The following GEMIN5 variants were observed in gnomAD, a reference collection of about 807,000 sequenced individuals.
GEMIN5 encodes gem-associated protein 5.
In GEMIN5, 124 loss-of-function variants were observed where a neutral mutation model predicts 176.9. The ratio of observed to expected loss-of-function variants is 0.70; its 90% CI spans 0.61 to 0.81. The LOEUF is 0.81. Among genes scored for constraint, GEMIN5 ranks in the 40% least tolerant of loss-of-function variants. The pLI, the probability that GEMIN5 is intolerant of heterozygous loss-of-function variation, is 0.00. For missense variants in GEMIN5, 1,843 were observed against 1,814.6 expected, an observed-to-expected ratio of 1.02 and a Z score of -0.28; for synonymous variants, 673 against 665.2, an observed-to-expected ratio of 1.01 and a Z score of -0.18.
rs558648459 is a variant in GEMIN5 at position 154,931,560 on chromosome 5, T to C, written c.679A>G (p.Asn227Asp). 6.2e-7 allele frequency: 1 copy of C among 1,604,170 alleles called. No individual in the cohort carries two copies. The highest frequency in any genetic ancestry group is 2.2e-5 in the East Asian group (1 of 44,626). The change falls in exon 5 of 28, where the codon AAC becomes GAC. Residue 227 changes from asparagine to aspartate, a missense_variant. Transcript: ENST00000285873. ...GGAGCTTGTGCTACAGCATTCCCGTTGGTAATTTCAGCTTCTTCTATGAGA... is the reference window on the plus strand; with the variant it reads ...GGAGCTTGTGCTACAGCATTCCCGTCGGTAATTTCAGCTTCTTCTATGAGA... ...EETSEEAEIT[N>D]GNAVAQAPVT... is the part of the protein sequence containing the mutation.
rs1238883342 is a variant in GEMIN5, at chr5:154,895,347, AAAAAAAG to A, written c.3597+738_3597+744del. On this transcript the variant is annotated intron_variant, in intron 24 of 27. Coordinates refer to ENST00000285873, the MANE Select transcript of GEMIN5 (RefSeq NM_015465.5). Reference sequence around the variant, plus strand: ...CAGTCTCCAGAAAGGAAAAAAAAAAAAAAAAAGAAGTAGGTATATTCACAAGGCAGAC... The same window carrying A: ...CAGTCTCCAGAAAGGAAAAAAAAAAAAAGTAGGTATATTCACAAGGCAGAC... Among the ~76,000 whole-genome samples the A allele has an allele frequency of 6.6e-5, 10 of 152,140 alleles. No individual in the cohort carries two copies. The East Asian group carries it at 1.9e-3, about 29-fold the overall frequency.
chr5:154,892,223 G>A (rs976317362), intron 25 of GEMIN5, among the ~76,000 whole-genome samples, 164 bp downstream of exon 25: 1 of 152,234 alleles, frequency 6.6e-6, no homozygotes, highest in African/African-American at 2.4e-5. Context: ...AAACAGTATA[G>A]TTGTTCTTAA....
At chr5:154,904,410 G>A in intron 18 of GEMIN5, 97 bp downstream of exon 18, 1 of 1,066,210 alleles carries the variant, frequency 9.4e-7, no homozygotes, top group Non-Finnish European at 1.4e-6. Flanking sequence ...AAACAATTTA[G>A]ACATTTCTTT....
chr5:154,924,661 G>C (rs1000517238), intron 8 of GEMIN5, 107 bp from the exon 9 acceptor site: 22 of 724,000 alleles, frequency 3.0e-5, no homozygotes, highest in Admixed American at 2.4e-5. Context: ...GTCTTGCTCT[G>C]ATTTCTTCAT....
chr5:154,907,676 T>C lies in GEMIN5; in HGVS notation c.2310A>G (p.Ser770=), dbSNP rs1763597131. 2 of 1,614,066 alleles carry C rather than the reference T, an allele frequency of 1.2e-6. No individual in the cohort carries two copies. Among genetic ancestry groups the C allele is most frequent in the Non-Finnish European group, 1.7e-6 (2 of 1,180,010 alleles). ...CTGACACACCATTCTCAACAGGTCC[T>C]GAGTTCTCCTTCATGCTTTCTTCTT... ...GNEEESMKEN[S]GPVENGVSDQ... is the part of the protein sequence containing the mutation. Residue 770 remains serine (S), a synonymous_variant, in exon 16 of 28, where the codon TCA becomes TCG. Transcript: ENST00000285873.
chr5:154,932,008 A>G (rs898345731), intron 4 of GEMIN5, 91 bp downstream of exon 4: 6 of 1,075,426 alleles, frequency 5.6e-6, no homozygotes, highest in Middle Eastern at 3.2e-4. Flanking sequence ...TCCGTCTCCA[A>G]AAATAAATAA....
chr5:154,899,257 T>C lies in GEMIN5; in HGVS notation c.3068A>G (p.Lys1023Arg). The change falls in exon 22 of 28, where the codon AAG becomes AGG. Residue 1023 changes from lysine (K) to arginine (R), a missense_variant. By Grantham distance (26) the Lys-to-Arg change is conservative (BLOSUM62 2). Transcript: ENST00000285873. Reference sequence around the variant, plus strand: ...GGTTCCCCAGCTGAGGTACAAGTCCTTCAGGACTGGGTCCTCCGGGCGCAG... The same window carrying C: ...GGTTCCCCAGCTGAGGTACAAGTCCCTCAGGACTGGGTCCTCCGGGCGCAG... ...ARLRPEDPVL[K>R]DLYLSWGTVL... 10 of 1,613,238 alleles carry C rather than the reference T, an allele frequency of 6.2e-6. No individual in the cohort carries two copies. The highest frequency in any genetic ancestry group is 8.5e-6 in the Non-Finnish European group (10 of 1,179,522).
At position 154,892,488 on chromosome 5, in the gene GEMIN5, CAGG is replaced by C. The variant is rs1257244094; in HGVS notation, c.3656_3658del (p.Ser1219del). 1.9e-6 allele frequency: 3 copies of C among 1,614,044 alleles called. No individual in the cohort carries two copies. In the Admixed American group the frequency reaches 5.0e-5, roughly 27 times the overall value. ...AAGGAGCGCCTGCACAGCCTCGTCCCAGGAGGCCATCTGTTGGCTCAGCACTGC... is the reference window on the plus strand; with the variant it reads ...AAGGAGCGCCTGCACAGCCTCGTCCCAGGCCATCTGTTGGCTCAGCACTGC... On this transcript the variant is annotated inframe_deletion, in exon 25 of 28. Transcript: ENST00000285873.
intron 12 of GEMIN5, 130 bp downstream of exon 12, chr5:154,917,801 T>G: frequency 1.5e-6 from 1 of 677,128 alleles, no homozygotes; most frequent in Non-Finnish European, 2.7e-6. Context: ...CAGCGGAGGA[T>G]ATCAAGAATA....
At chr5:154,937,639 G>A (rs1475471596) in intron 1 of GEMIN5, among the ~76,000 whole-genome samples, 3 of 152,188 alleles carry the variant, frequency 2.0e-5, no homozygotes, top group Non-Finnish European at 4.4e-5. Flanking sequence ...GCTGTGGTTA[G>A]CCCCCAACCC....
At position 154,931,441 on chromosome 5, in the gene GEMIN5, A is replaced by G. The variant is rs202145813; in HGVS notation, c.781+17T>C. On this transcript the variant is annotated intron_variant, in intron 5 of 27. Coordinates refer to ENST00000285873, the MANE Select transcript of GEMIN5 (RefSeq NM_015465.5). ...AGATCAACATAGGTTACATCACAAA[A>G]GAAAGATCAATCTTACCTCGGCCTC... The G allele has an allele frequency of 3.8e-6, 6 of 1,595,354 alleles. No individual in the cohort carries two copies. In the Admixed American group the frequency reaches 8.6e-5, roughly 23 times the overall value.
At chr5:154,906,780 T>A (rs1437583727) in intron 16 of GEMIN5, among the ~76,000 whole-genome samples, 1 of 152,224 alleles carries the variant, frequency 6.6e-6, no homozygotes, top group African/African-American at 2.4e-5. Context: ...CTAACAGCTA[T>A]CCCTTGGGAT....
intron 13 of GEMIN5, 113 bp from the exon 14 acceptor site, chr5:154,913,151 T>C: frequency 1.1e-6 from 1 of 914,478 alleles, no homozygotes; most frequent in Non-Finnish European, 1.6e-6. Flanking sequence ...CCATACACTT[T>C]CTAGGTTATT....
At position 154,934,587 on chromosome 5, in the gene GEMIN5, C is replaced by T. The variant is rs548974010; in HGVS notation, c.509+1254G>A. On this transcript the variant is annotated intron_variant, in intron 3 of 27. Transcript: ENST00000285873. Reference sequence around the variant, plus strand: ...TCGGCCTCCCAAAGTGTTGGGATTACAGGTGTGAGCCACTGCGCCCAGCCT... The same window carrying T: ...TCGGCCTCCCAAAGTGTTGGGATTATAGGTGTGAGCCACTGCGCCCAGCCT... 7.2e-5 allele frequency among the ~76,000 whole-genome samples: 11 copies of T among 152,294 alleles called. No homozygotes were observed. In the South Asian group the frequency reaches 1.0e-3, roughly 14 times the overall value.
chr5:154,928,673 A>C lies in GEMIN5; in HGVS notation c.782-14T>G. The C allele has an allele frequency of 6.2e-7, 1 of 1,612,836 alleles. No homozygotes were observed. Among genetic ancestry groups the C allele is most frequent in the Non-Finnish European group, 8.5e-7 (1 of 1,179,632 alleles). On this transcript the variant is annotated splice_polypyrimidine_tract_variant and intron_variant, in intron 5 of 27. Transcript: ENST00000285873. ...AAATCATCACCCCTGCAGATTAAAA[A>C]GAAGGCCAGTGGGCACTCAAGACAG...
intron 25 of GEMIN5, 122 bp downstream of exon 25, chr5:154,892,265 T>C (rs947563638): frequency 2.5e-6 from 2 of 795,194 alleles, no homozygotes; most frequent in Non-Finnish European, 2.0e-6. Context: ...AACTTTCTAC[T>C]AAAATGACAC....
intron 23 of GEMIN5, among the ~76,000 whole-genome samples, chr5:154,896,799 G>A (rs982513056): frequency 4.6e-5 from 7 of 152,208 alleles, no homozygotes; most frequent in African/African-American, 1.7e-4. Context: ...CAGGCATTAG[G>A]AGCCATGTCC....
intron 18 of GEMIN5, 65 bp from the exon 19 acceptor site, chr5:154,903,240 A>G (rs1763501306): frequency 5.8e-6 from 6 of 1,043,088 alleles, no homozygotes; most frequent in African/African-American, 1.6e-5. Context: ...TTTCTCTCCA[A>G]TAACTTCCGA....
chr5:154,911,171 C>G (rs1763691975), intron 15 of GEMIN5, among the ~76,000 whole-genome samples: 1 of 152,278 alleles, frequency 6.6e-6, no homozygotes, highest in East Asian at 1.9e-4. Context: ...TGGAACCAGC[C>G]ATTTCTCCAA....
Sources: gnomAD v4.1 joint callset for allele counts (sites outside exome capture counted in the v4.1 genomes callset) on GRCh38, gnomAD v4.1.1 for gene constraint, MANE v1.5 for transcripts, NCBI Gene and HGNC (gene_info 2026-07-23, HGNC 2026-07-21) for gene names.